Variants in ABI1 observed in about 807,000 individuals in gnomAD.
ABI1 encodes Abelson interactor 1.
ABI1 carries 14 observed loss-of-function variants against 54.6 expected under a neutral mutation model. That is an observed-to-expected ratio of 0.26 (90% CI 0.17 to 0.40). The LOEUF (loss-of-function observed/expected upper bound fraction) is 0.40, where lower values mean the gene tolerates loss of function less well. ABI1 is among the 10% of genes least tolerant of loss of function. The pLI is 1.00. For synonymous variants in ABI1, 194 were observed against 209.3 expected, an observed-to-expected ratio of 0.93 and a Z score of 0.63; for missense variants, 443 against 598.3, an observed-to-expected ratio of 0.74 and a Z score of 2.71.
intron 1 of ABI1, among the ~76,000 whole-genome samples, chr10:26,832,412 C>T (rs950840837): frequency 4.6e-5 from 7 of 151,770 alleles, no homozygotes; most frequent in African/African-American, 7.3e-5. Context: ...GAAACCCTAT[C>T]TCTATTAAAA....
At chr10:26,829,225 C>CAA (rs1396857931) in intron 1 of ABI1, among the ~76,000 whole-genome samples, 1 of 86,562 alleles carries the variant, frequency 1.2e-5, no homozygotes, top group Non-Finnish European at 2.4e-5. Context: ...GATTCTGTCT[C>CAA]AAAAAAAAAA....
chr10:26,851,585 G>A (rs950437013), intron 1 of ABI1, among the ~76,000 whole-genome samples: 2 of 152,070 alleles, frequency 1.3e-5, no homozygotes, highest in African/African-American at 4.8e-5. Flanking sequence ...AAGTACGACA[G>A]AGATCTGAAA....
chr10:26,813,933 G>A (rs1226037205), intron 2 of ABI1, among the ~76,000 whole-genome samples: 1 of 152,124 alleles, frequency 6.6e-6, no homozygotes, highest in Non-Finnish European at 1.5e-5. Flanking sequence ...CAAAGCCCAC[G>A]TAGATCCTCA....
intron 7 of ABI1, among the ~76,000 whole-genome samples, chr10:26,761,207 G>A (rs1429491731): frequency 6.6e-6 from 1 of 151,740 alleles, no homozygotes; most frequent in Non-Finnish European, 1.5e-5. Context: ...CCAAAATGCT[G>A]GATTACAGGT....
At chr10:26,804,481 C>A (rs2046760428) in intron 2 of ABI1, among the ~76,000 whole-genome samples, 1 of 151,216 alleles carries the variant, frequency 6.6e-6, no homozygotes, top group South Asian at 2.1e-4. Context: ...TGTAAACTGA[C>A]AACAGAGAAA....
intron 2 of ABI1, among the ~76,000 whole-genome samples, chr10:26,815,982 G>A (rs1030624797): frequency 5.3e-5 from 8 of 152,118 alleles, no homozygotes; most frequent in Non-Finnish European, 8.8e-5. Flanking sequence ...CAGAAACTTC[G>A]CTGCTAGGTC....
At chr10:26,763,883 T>A in intron 7 of ABI1, 1 of 1,612,120 alleles carries the variant, frequency 6.2e-7, no homozygotes, top group South Asian at 1.1e-5. Flanking sequence ...ATCTCACCTA[T>A]CACAGTGCTC....
chr10:26,840,674 T>C (rs755255240), intron 1 of ABI1, among the ~76,000 whole-genome samples: 1 of 152,192 alleles, frequency 6.6e-6, no homozygotes, highest in Non-Finnish European at 1.5e-5. Context: ...CTGTAATCAA[T>C]TGAATTTTCT....
At chr10:26,797,304 T>C (rs763534131) in intron 2 of ABI1, among the ~76,000 whole-genome samples, 17 of 152,290 alleles carry the variant, frequency 1.1e-4, no homozygotes, top group Admixed American at 6.5e-4. Context: ...TAAAATGAGG[T>C]TGTTATAAGA....
chr10:26,856,291 C>T (rs541425497), intron 1 of ABI1, among the ~76,000 whole-genome samples: 1 of 149,018 alleles, frequency 6.7e-6, no homozygotes, highest in Non-Finnish European at 1.5e-5. Context: ...AAAAAAAAAA[C>T]CCATTCAGGA....
At chr10:26,830,301 G>A (rs11015322) in intron 1 of ABI1, among the ~76,000 whole-genome samples, 9,379 of 152,130 alleles carry the variant, frequency 0.062, 430 homozygotes, top group East Asian at 0.19. Context: ...TGAGTCACAT[G>A]GTAAGTTAAG....
At chr10:26,822,599 C>CA (rs55769010) in intron 2 of ABI1, among the ~76,000 whole-genome samples, 10,355 of 148,790 alleles carry the variant, frequency 0.07, 387 homozygotes, top group East Asian at 0.14. Flanking sequence ...CATGCCAGAC[C>CA]AAAAAAAAAA....
chr10:26,813,093 A>AG (rs2047340152), intron 2 of ABI1, among the ~76,000 whole-genome samples: 1 of 152,082 alleles, frequency 6.6e-6, no homozygotes, highest in Non-Finnish European at 1.5e-5. Context: ...TAAGAAAAAT[A>AG]CAAAAATGAC....
rs397696005 is a variant in ABI1 at position 26,818,158 on chromosome 10, CAAAAAAAAAAAAAAAAAAAA to C, written c.285+4960_285+4979del. Among the ~76,000 whole-genome samples, 59 of 45,442 alleles carry C rather than the reference CAAAAAAAAAAAAAAAAAAAA, an allele frequency of 1.3e-3. 2 individuals carry two copies. Among genetic ancestry groups the C allele is most frequent in the African/African-American group, 3.4e-3 (43 of 12,794 alleles). The allele number at this position is 45,442 out of a possible 152,430, so 29.8% of individuals were successfully genotyped here. On this transcript the variant is annotated intron_variant, in intron 2 of 10. Coordinates refer to ENST00000376140, the MANE Select transcript of ABI1 (RefSeq NM_001012750.3). ...TGGGAGACAGAGCAAGACTCCATCT[CAAAAAAAAAAAAAAAAAAAA>C]AAAAAAAAAAAAAAAAATTCCTAAC...
intron 7 of ABI1, among the ~76,000 whole-genome samples, chr10:26,763,686 T>A (rs1159609619): frequency 6.6e-6 from 1 of 152,234 alleles, no homozygotes; most frequent in Non-Finnish European, 1.5e-5. Flanking sequence ...TAGAAAAAGT[T>A]GTTTTATATT....
intron 1 of ABI1, among the ~76,000 whole-genome samples, chr10:26,824,160 G>A (rs2048160941): frequency 6.6e-6 from 1 of 151,764 alleles, no homozygotes; most frequent in African/African-American, 2.4e-5. Flanking sequence ...CTTAACCACT[G>A]AAAAGATGTT....
At chr10:26,853,499 A>G (rs115985073) in intron 1 of ABI1, among the ~76,000 whole-genome samples, 63 of 151,748 alleles carry the variant, frequency 4.2e-4, no homozygotes, top group African/African-American at 1.4e-3. Context: ...AAATGCTTCA[A>G]AATTAGCATT....
chr10:26,818,090 C>T (rs2047696366), intron 2 of ABI1, among the ~76,000 whole-genome samples: 1 of 131,204 alleles, frequency 7.6e-6, no homozygotes, highest in Non-Finnish European at 1.6e-5. Context: ...ACCCAGGAGG[C>T]AGAGGTTGCA....
intron 7 of ABI1, chr10:26,764,050 A>G (rs895158364): frequency 3.3e-6 from 3 of 901,022 alleles, no homozygotes; most frequent in African/African-American, 3.4e-5. Flanking sequence ...TATCGGGAAG[A>G]AAAAGAAAAA....
Sources: allele counts gnomAD v4.1 joint callset (sites outside exome capture counted in the v4.1 genomes callset), GRCh38; gene constraint gnomAD v4.1.1; transcripts MANE v1.5; gene names NCBI Gene and HGNC (gene_info 2026-07-23, HGNC 2026-07-21).